Variants in SNTB2 observed in about 807,000 individuals in gnomAD.
SNTB2 encodes the protein syntrophin beta 2.
Under a neutral mutation model 46.2 loss-of-function variants are expected in SNTB2, and 34 were observed. The observed-to-expected ratio is 0.74, with a 90% CI of 0.56 to 0.98. The LOEUF (loss-of-function observed/expected upper bound fraction) is 0.98, where lower values mean the gene tolerates loss of function less well. Among genes scored for constraint, SNTB2 ranks in the 50% least tolerant of loss-of-function variants. SNTB2 has a pLI of 0.00. For synonymous variants in SNTB2, 290 were observed against 312.6 expected (o/e 0.93, Z 0.76); for missense variants, 603 against 731.4 (o/e 0.82, Z 2.02).
chr16:69,211,780 A>G (rs1490783975), intron 1 of SNTB2, among the ~76,000 whole-genome samples: 1 of 152,210 alleles, frequency 6.6e-6, no homozygotes, highest in Non-Finnish European at 1.5e-5. Flanking sequence ...TGTCCTGGTC[A>G]CAGGGTTGTG....
At chr16:69,289,472 T>G (rs981398650) in intron 5 of SNTB2, among the ~76,000 whole-genome samples, 3 of 152,054 alleles carry the variant, frequency 2.0e-5, no homozygotes, top group African/African-American at 7.3e-5. Context: ...ATTGTATAAT[T>G]CAAATAGAAG....
At position 69,303,322 on chromosome 16, in the gene SNTB2, CTTTACA is replaced by C. The variant is rs923862761; in HGVS notation, c.*2399_*2404del. ...ATTAATATGAGATGTTGAATGATGC[CTTTACA>C]GACTTCAGCAGCAAAGCCATTTGGT... On this transcript the variant is annotated 3_prime_UTR_variant, in exon 7 of 7. Transcript: ENST00000336278. 3.1e-4 allele frequency: 47 copies of C among 152,250 alleles called. No homozygotes were observed. The highest frequency in any genetic ancestry group is 1.1e-3 in the African/African-American group (45 of 41,534). 9.4% of individuals were successfully genotyped at this position (152,250 alleles called of 1,614,324 possible). A position where few individuals can be genotyped will look rare whatever the true frequency, so the allele number is the denominator to read the frequency against.
At chr16:69,236,230 C>G (rs892058683) in intron 1 of SNTB2, among the ~76,000 whole-genome samples, 5 of 152,132 alleles carry the variant, frequency 3.3e-5, no homozygotes, top group Non-Finnish European at 7.3e-5. Flanking sequence ...ATACACAAGA[C>G]TTTAGACTAC....
At chr16:69,239,387 T>C (rs1204693311) in intron 1 of SNTB2, among the ~76,000 whole-genome samples, 1 of 152,186 alleles carries the variant, frequency 6.6e-6, no homozygotes, top group Non-Finnish European at 1.5e-5. Flanking sequence ...TATACAGTTC[T>C]ATGAATCTGG....
At chr16:69,229,833 A>T (rs1212557252) in intron 1 of SNTB2, among the ~76,000 whole-genome samples, 2 of 108,192 alleles carry the variant, frequency 1.8e-5, no homozygotes, top group Non-Finnish European at 3.8e-5. Context: ...CAGGAGCAAG[A>T]CCCTGTCTCA....
At chr16:69,217,882 T>A (rs1964363648) in intron 1 of SNTB2, among the ~76,000 whole-genome samples, 2 of 151,956 alleles carry the variant, frequency 1.3e-5, no homozygotes, top group South Asian at 2.1e-4. Context: ...TGAAAAAAAA[T>A]TTTTTTTAGG....
At chr16:69,251,040 G>A (rs1205662000) in intron 2 of SNTB2, among the ~76,000 whole-genome samples, 12 of 146,640 alleles carry the variant, frequency 8.2e-5, no homozygotes, top group East Asian at 4.1e-4. Context: ...GTGCAGTGGC[G>A]GGATCTCGGC....
chr16:69,218,553 C>G (rs1218529804), intron 1 of SNTB2, among the ~76,000 whole-genome samples: 6 of 151,926 alleles, frequency 3.9e-5, no homozygotes, highest in African/African-American at 1.5e-4. Flanking sequence ...TCACGAGTAG[C>G]TGGGATTACA....
chr16:69,270,971 G>A (rs1048189655), intron 4 of SNTB2, among the ~76,000 whole-genome samples: 1 of 152,134 alleles, frequency 6.6e-6, no homozygotes, highest in Admixed American at 6.5e-5. Context: ...TTAAAGAAGA[G>A]CGCCATGGAA....
At chr16:69,277,602 C>CA (rs1964995153) in intron 4 of SNTB2, among the ~76,000 whole-genome samples, 1 of 152,170 alleles carries the variant, frequency 6.6e-6, no homozygotes, top group Non-Finnish European at 1.5e-5. Context: ...AGGCTATCCA[C>CA]GTAATGTGAA....
intron 1 of SNTB2, 24 bp downstream of exon 1, chr16:69,187,770 T>TGGGG: frequency 5.6e-6 from 1 of 179,710 alleles, no homozygotes; most frequent in Non-Finnish European, 9.7e-6. Flanking sequence ...GGCGGGAGGG[T>TGGGG]GGGCAGGCCG....
chr16:69,260,390 T>A (rs1964824079), intron 3 of SNTB2, 130 bp downstream of exon 3: 1 of 834,546 alleles, frequency 1.2e-6, no homozygotes, highest in African/African-American at 1.7e-5. Context: ...TCTTTTGTTT[T>A]TCAGTGTTTT....
chr16:69,268,197 C>T lies in SNTB2; in HGVS notation c.1006-1946C>T, dbSNP rs1964904898. ...AAATACAATGGGCCGGGCGCAGTGG[C>T]TCACACTTGTAATCCCAGCACTTTG... On this transcript the variant is annotated intron_variant, in intron 3 of 6. Coordinates refer to ENST00000336278, the MANE Select transcript of SNTB2 (RefSeq NM_006750.4). 3.9e-5 allele frequency among the ~76,000 whole-genome samples: 6 copies of T among 152,182 alleles called. No individual in the cohort carries two copies. The South Asian group carries it at 1.2e-3, about 32-fold the overall frequency.
chr16:69,257,861 T>G (rs1436431876), intron 2 of SNTB2, among the ~76,000 whole-genome samples: 1 of 152,232 alleles, frequency 6.6e-6, no homozygotes, highest in African/African-American at 2.4e-5. Flanking sequence ...TGGAAGTAGC[T>G]AGATGATCTA....
chr16:69,221,907 G>T, intron 1 of SNTB2, among the ~76,000 whole-genome samples: 1 of 152,158 alleles, frequency 6.6e-6, no homozygotes, highest in Non-Finnish European at 1.5e-5. Context: ...TGGAACTCAG[G>T]TATGAGCTGA....
At chr16:69,283,796 G>A (rs1411025512) in intron 4 of SNTB2, among the ~76,000 whole-genome samples, 1 of 152,132 alleles carries the variant, frequency 6.6e-6, no homozygotes, top group Non-Finnish European at 1.5e-5. Context: ...AGCACTTTGG[G>A]AGGCCGAGGC....
intron 4 of SNTB2, among the ~76,000 whole-genome samples, chr16:69,275,240 T>C (rs1266952827): frequency 6.6e-6 from 1 of 152,028 alleles, no homozygotes; most frequent in African/African-American, 2.4e-5. Flanking sequence ...GCCAGGTTAA[T>C]TTTTTATGGA....
chr16:69,277,597 A>C (rs1567412877), intron 4 of SNTB2, among the ~76,000 whole-genome samples: 2 of 152,354 alleles, frequency 1.3e-5, no homozygotes, highest in Admixed American at 1.3e-4. Context: ...ACAGAAGGCT[A>C]TCCACGTAAT....
rs976286228 is a variant in SNTB2, at chr16:69,302,405, G to C, written c.*1481G>C. The C allele has an allele frequency of 2.0e-5, 3 of 152,206 alleles. No homozygotes were observed. Among genetic ancestry groups the C allele is most frequent in the African/African-American group, 7.2e-5 (3 of 41,452 alleles). The allele number at this position is 152,206 out of a possible 1,614,324, so 9.4% of individuals were successfully genotyped here. On this transcript the variant is annotated 3_prime_UTR_variant, in exon 7 of 7. Coordinates refer to ENST00000336278, the MANE Select transcript of SNTB2 (RefSeq NM_006750.4). ...GACTTGGATGTTCTTTATGCTCTCT[G>C]AAGAAAGGTCTAGGGAAAGTTCTTG... is the stretch of plus-strand genomic sequence containing the variant.
Sources: gnomAD v4.1 joint callset for allele counts (sites outside exome capture counted in the v4.1 genomes callset) on GRCh38, gnomAD v4.1.1 for gene constraint, MANE v1.5 for transcripts, NCBI Gene and HGNC (gene_info 2026-07-23, HGNC 2026-07-21) for gene names.